The following SETD9 variants were observed in gnomAD, a reference collection of about 807,000 sequenced individuals.
SETD9 encodes SET domain-containing protein 9.
Under a neutral mutation model 36.4 loss-of-function variants are expected in SETD9, and 37 were observed. The observed-to-expected ratio is 1.02, with a 90% CI of 0.78 to 1.34. The LOEUF is 1.34. Among genes scored for constraint, SETD9 ranks in the 40% most tolerant of loss-of-function variants. The probability of loss-of-function intolerance (pLI) is 0.00; values close to 1 mark genes in which losing one functional copy is unlikely to be tolerated. For missense variants in SETD9, 323 were observed against 353.2 expected, an observed-to-expected ratio of 0.91 and a Z score of 0.69; for synonymous variants, 128 against 132.9, an observed-to-expected ratio of 0.96 and a Z score of 0.26.
chr5:56,926,717 T>C (rs563261775), downstream of SETD9, among the ~76,000 whole-genome samples: 4 of 152,268 alleles, frequency 2.6e-5, no homozygotes, highest in Non-Finnish European at 5.9e-5. Context: ...CCTTACTCCT[T>C]CGTATTTGGA....
downstream of SETD9, among the ~76,000 whole-genome samples, chr5:56,917,676 A>T (rs1749489913): frequency 1.3e-5 from 2 of 152,206 alleles, no homozygotes; most frequent in African/African-American, 4.8e-5. Flanking sequence ...GCCAGCAGAA[A>T]GAATGTGTCC....
At chr5:56,922,393 A>G (rs1749713164) in intron 5 of SETD9, 1 of 152,620 alleles carries the variant, frequency 6.6e-6, no homozygotes, top group African/African-American at 2.4e-5. Flanking sequence ...TGGCAGTAAC[A>G]TGACCAATTC....
intron 2 of SETD9, among the ~76,000 whole-genome samples, chr5:56,912,679 A>G (rs1384003902): frequency 6.6e-6 from 1 of 151,956 alleles, no homozygotes; most frequent in Non-Finnish European, 1.5e-5. Flanking sequence ...ATTTCTTCAA[A>G]CTCTTTAGAT....
intron 5 of SETD9, among the ~76,000 whole-genome samples, chr5:56,915,369 A>G (rs913608339): frequency 2.6e-5 from 4 of 152,178 alleles, no homozygotes; most frequent in African/African-American, 9.7e-5. Flanking sequence ...TCCTTTGCCA[A>G]TTTCACTATT....
At chr5:56,928,130 T>C (rs1750086814), downstream of SETD9, 1 of 152,182 alleles carries the variant, frequency 6.6e-6, no homozygotes, top group Non-Finnish European at 1.5e-5. Flanking sequence ...GACATACAGG[T>C]TCCTTCCAAG....
chr5:56,923,495 C>T (rs1270458516), intron 5 of SETD9: 4 of 1,614,146 alleles, frequency 2.5e-6, no homozygotes, highest in Non-Finnish European at 3.4e-6. Context: ...ATTAACTTGT[C>T]CACGGGGTGT....
chr5:56,911,452 A>G lies in SETD9; in HGVS notation c.382A>G (p.Thr128Ala). 6.2e-7 allele frequency: 1 copy of G among 1,611,094 alleles called. No homozygotes were observed. Among genetic ancestry groups the G allele is most frequent in the Non-Finnish European group, 8.5e-7 (1 of 1,179,172 alleles). ...TTTGGGTTTCAGTGTTGCCCAAGCA[A>G]CTAGCTCATTGATTTCTGCTGGAAA... The part of the protein sequence containing the change: ...KTLGFSVAQA[T>A]SSLISAGKGV... Residue 128 changes from threonine to alanine, a missense_variant, in exon 2 of 6, where the codon ACT becomes GCT. Transcript: ENST00000285947.
At chr5:56,912,318 G>T (rs1031871843) in intron 2 of SETD9, 24 of 755,798 alleles carry the variant, frequency 3.2e-5, no homozygotes, top group Non-Finnish European at 3.9e-5. Context: ...TACGTTATGT[G>T]TTAAACTAAC....
intron 2 of SETD9, among the ~76,000 whole-genome samples, chr5:56,912,462 G>C (rs60646910): frequency 6.6e-6 from 1 of 152,018 alleles, no homozygotes; most frequent in African/African-American, 2.4e-5. Flanking sequence ...CCTGCTGTAC[G>C]AGTAATCTAA....
chr5:56,919,490 C>T (rs74640475), downstream of SETD9: 1 of 152,144 alleles, frequency 6.6e-6, no homozygotes, highest in South Asian at 2.1e-4. Context: ...ATCTTATTTA[C>T]TGCATCTAAA....
At chr5:56,916,108 T>C (rs538619098) in intron 5 of SETD9, among the ~76,000 whole-genome samples, 1 of 152,278 alleles carries the variant, frequency 6.6e-6, no homozygotes, top group South Asian at 2.1e-4. Context: ...TGTAACAATA[T>C]CTAGGCTGGG....
At chr5:56,913,305 C>T (rs1749248977) in intron 3 of SETD9, among the ~76,000 whole-genome samples, 171 bp downstream of exon 3, 1 of 152,048 alleles carries the variant, frequency 6.6e-6, no homozygotes, top group Non-Finnish European at 1.5e-5. Context: ...CCTCCCATCT[C>T]GGCCTTCCAA....
chr5:56,909,623 G>A lies in SETD9; in HGVS notation c.-23G>A, dbSNP rs1423237128. 1 of 1,589,630 alleles carries A rather than the reference G, an allele frequency of 6.3e-7. No homozygotes were observed. Among genetic ancestry groups the A allele is most frequent in the Non-Finnish European group, 8.6e-7 (1 of 1,168,488 alleles). On this transcript the variant is annotated 5_prime_UTR_variant, in exon 1 of 6. Transcript: ENST00000285947. ...CGATCCGCCTTCCCCGCGCCGTCCTGGTCACGGCCCCGCGGGGCAGCCATG... is the reference window on the plus strand; with the variant it reads ...CGATCCGCCTTCCCCGCGCCGTCCTAGTCACGGCCCCGCGGGGCAGCCATG...
At chr5:56,913,763 CTTT>C (rs74270761) in intron 3 of SETD9, 108 bp from the exon 4 acceptor site, 367 of 528,030 alleles carry the variant, frequency 7.0e-4, no homozygotes, top group Admixed American at 1.1e-3. Context: ...ATACTAAAGT[CTTT>C]TTTTTTTTTT....
chr5:56,921,820 A>T (rs1328581338), downstream of SETD9: 1 of 152,684 alleles, frequency 6.5e-6, no homozygotes, highest in Non-Finnish European at 1.5e-5. Flanking sequence ...AAAAGCAAAG[A>T]TTACATCCTA....
intron 1 of SETD9, chr5:56,910,554 A>G: frequency 2.3e-6 from 1 of 441,366 alleles, no homozygotes; most frequent in South Asian, 2.1e-5. Flanking sequence ...GATCAGTTGT[A>G]TCATGACTCG....
At chr5:56,909,378 C>A, upstream of SETD9, 1 of 365,474 alleles carries the variant, frequency 2.7e-6, no homozygotes, top group Non-Finnish European at 4.9e-6. Flanking sequence ...TGTGTGCGCC[C>A]ACGGAAGCAC....
At position 56,909,742 on chromosome 5, in the gene SETD9, A is replaced by C; in HGVS notation, c.97A>C (p.Arg33=). The change falls in exon 1 of 6, where the codon AGG becomes CGG. Residue 33 remains arginine (R), a splice_region_variant and synonymous_variant. Transcript: ENST00000285947. ...CGCACTGAACCTAAGCCACAACCCG[A>C]GGTGAGAGGGCGGGACGGCAGAACG... The part of the protein sequence containing the change: ...WIALNLSHNP[R]TLRYVPEESK... 6.2e-7 allele frequency: 1 copy of C among 1,609,144 alleles called. No homozygotes were observed. Among genetic ancestry groups the C allele is most frequent in the Non-Finnish European group, 8.5e-7 (1 of 1,178,020 alleles).
intron 1 of SETD9, chr5:56,910,324 A>G (rs1159073379): frequency 7.7e-7 from 1 of 1,304,208 alleles, no homozygotes; most frequent in African/African-American, 1.5e-5. Context: ...AATAGCGTGC[A>G]GTAGCTCGCG....
Sources: gnomAD v4.1 joint callset for allele counts (sites outside exome capture counted in the v4.1 genomes callset) on GRCh38, gnomAD v4.1.1 for gene constraint, MANE v1.5 for transcripts, NCBI Gene and HGNC (gene_info 2026-07-23, HGNC 2026-07-21) for gene names.